The following NPAS3 variants were observed in gnomAD, a reference collection of about 807,000 sequenced individuals.
NPAS3 encodes the protein neuronal PAS domain protein 3, also known as neuronal PAS domain-containing protein 3.
A neutral mutation model predicts 73.1 loss-of-function variants in NPAS3; 14 were observed. The observed-to-expected ratio is 0.19, with a 90% CI of 0.13 to 0.30. The LOEUF is 0.30. Among genes scored for constraint, NPAS3 ranks in the 10% least tolerant of loss-of-function variants. NPAS3 has a pLI of 1.00. For synonymous variants in NPAS3, 620 were observed against 541.5 expected (o/e 1.14, Z -2.01); for missense variants, 1,096 against 1,250.0 (o/e 0.88, Z 1.86).
intron 5 of NPAS3, among the ~76,000 whole-genome samples, chr14:33,638,439 A>G (rs1186699991): frequency 2.0e-5 from 3 of 152,214 alleles, no homozygotes; most frequent in Admixed American, 2.0e-4. Flanking sequence ...GATGTTGGAT[A>G]AACTTTTTAA....
Position 33,676,251 on chromosome 14 carries a change from C to T in NPAS3, c.599C>T (p.Pro200Leu). 1 of 1,613,928 alleles carries T rather than the reference C, an allele frequency of 6.2e-7. No homozygotes were observed. Residue 200 changes from proline (P) to leucine (L), a missense_variant, in exon 6 of 12, where the codon CCC becomes CTC. Transcript: ENST00000356141. ...AGCAGTGTCTTTGACTATGTCCACC[C>T]CGGAGATCACGTGGAGATGGCTGAG...
intron 4 of NPAS3, among the ~76,000 whole-genome samples, chr14:33,472,922 C>T (rs1307623368): frequency 3.3e-5 from 5 of 150,766 alleles, no homozygotes; most frequent in Admixed American, 2.0e-4. Context: ...AGATAGAATG[C>T]GGATGGAAAC....
chr14:33,745,491 G>A (rs185861860), intron 7 of NPAS3, among the ~76,000 whole-genome samples: 1 of 152,160 alleles, frequency 6.6e-6, no homozygotes, highest in East Asian at 1.9e-4. Context: ...CAATACAACC[G>A]TCTTCATAAG....
chr14:33,261,913 G>A (rs914860981), intron 3 of NPAS3, among the ~76,000 whole-genome samples: 1 of 152,160 alleles, frequency 6.6e-6, no homozygotes, highest in Non-Finnish European at 1.5e-5. Flanking sequence ...CTTGCCTTGA[G>A]AGCAAGGGGA....
intron 2 of NPAS3, among the ~76,000 whole-genome samples, chr14:33,080,122 T>G (rs1249133782): frequency 6.6e-6 from 1 of 152,086 alleles, no homozygotes. Context: ...TTTTAATTTT[T>G]TTGGGACGGA....
intron 1 of NPAS3, among the ~76,000 whole-genome samples, chr14:33,034,956 T>C (rs1363762221): frequency 1.3e-5 from 2 of 152,190 alleles, no homozygotes; most frequent in Non-Finnish European, 2.9e-5. Context: ...AGATCATCTG[T>C]CAGTTTATAA....
At chr14:33,655,175 A>G (rs1595370967) in intron 5 of NPAS3, among the ~76,000 whole-genome samples, 2 of 152,186 alleles carry the variant, frequency 1.3e-5, no homozygotes, top group South Asian at 4.1e-4. Context: ...ACAGGGAGGT[A>G]ATCTCAAAGC....
intron 4 of NPAS3, among the ~76,000 whole-genome samples, chr14:33,556,946 C>T (rs1847950624): frequency 1.3e-5 from 2 of 152,174 alleles, no homozygotes; most frequent in South Asian, 2.1e-4. Flanking sequence ...ATGACTTACA[C>T]AGTTCTCCGT....
intron 3 of NPAS3, among the ~76,000 whole-genome samples, chr14:33,273,228 C>G (rs1163971852): frequency 6.6e-6 from 1 of 152,174 alleles, no homozygotes; most frequent in Non-Finnish European, 1.5e-5. Flanking sequence ...TGGTGCAAAT[C>G]TCCTCTCTTT....
intron 7 of NPAS3, among the ~76,000 whole-genome samples, chr14:33,751,996 A>G (rs1412486358): frequency 1.3e-5 from 2 of 152,210 alleles, no homozygotes; most frequent in Non-Finnish European, 2.9e-5. Context: ...TAGATTTTCA[A>G]TAGGAGCAAA....
chr14:33,606,826 G>A (rs1245191511), intron 5 of NPAS3, among the ~76,000 whole-genome samples: 1 of 152,132 alleles, frequency 6.6e-6, no homozygotes, highest in African/African-American at 2.4e-5. Flanking sequence ...GGAAACATTT[G>A]TAAATCATAT....
chr14:33,111,193 A>C (rs774949331), intron 2 of NPAS3, among the ~76,000 whole-genome samples: 76 of 152,208 alleles, frequency 5.0e-4, no homozygotes, highest in Non-Finnish European at 8.5e-4. Context: ...GAAAGCCTGA[A>C]GGGAGCAAGG....
intron 3 of NPAS3, among the ~76,000 whole-genome samples, chr14:33,340,167 A>T (rs527310656): frequency 1.3e-5 from 2 of 152,188 alleles, no homozygotes; most frequent in African/African-American, 4.8e-5. Context: ...TGGTTTTTAT[A>T]TATAAGATTT....
intron 4 of NPAS3, among the ~76,000 whole-genome samples, chr14:33,488,342 C>T (rs145906972): frequency 5.1e-4 from 78 of 152,000 alleles, no homozygotes; most frequent in Admixed American, 1.5e-3. Context: ...AGAGTCTTAA[C>T]GGGGCTGGCA....
chr14:33,734,401 G>A (rs557861438), intron 6 of NPAS3, among the ~76,000 whole-genome samples: 2 of 152,178 alleles, frequency 1.3e-5, no homozygotes, highest in East Asian at 1.9e-4. Context: ...TCAGCAAGAC[G>A]GCAAACTACC....
intron 1 of NPAS3, among the ~76,000 whole-genome samples, chr14:32,943,938 C>T (rs1382041867): frequency 2.6e-5 from 4 of 152,132 alleles, no homozygotes; most frequent in Non-Finnish European, 5.9e-5. Context: ...GATCTGCCTG[C>T]CTCAGCCTCC....
At chr14:33,306,858 GA>G (rs958730542) in intron 3 of NPAS3, among the ~76,000 whole-genome samples, 30 of 152,262 alleles carry the variant, frequency 2.0e-4, no homozygotes, top group African/African-American at 7.0e-4. Context: ...ATGCATTTGA[GA>G]GGGAAGGTTG....
In NPAS3 at chr14:33,325,397, A is replaced by G. The variant is rs113253580; in HGVS notation, c.386-41789A>G. Among the ~76,000 whole-genome samples, 1,431 of 152,208 alleles carry G rather than the reference A, an allele frequency of 9.4e-3. 18 individuals carry two copies. The highest frequency in any genetic ancestry group is 0.033 in the African/African-American group (1,363 of 41,554). On this transcript the variant is annotated intron_variant, in intron 3 of 11. Coordinates refer to ENST00000356141, the Ensembl canonical transcript of NPAS3. ...TGGCTCACGCCTGTAATCCCAATCA[A>G]TACTTTGGGAGACCGAGGTGGGTGG...
intron 5 of NPAS3, among the ~76,000 whole-genome samples, chr14:33,643,318 C>T (rs140651878): frequency 9.9e-5 from 14 of 141,996 alleles, no homozygotes; most frequent in African/African-American, 3.4e-4. Flanking sequence ...ACACCCTTTG[C>T]TGTAAAACAC....
Sources: gnomAD v4.1 joint callset for allele counts (sites outside exome capture counted in the v4.1 genomes callset) on GRCh38, gnomAD v4.1.1 for gene constraint, MANE v1.5 for transcripts, NCBI Gene and HGNC (gene_info 2026-07-23, HGNC 2026-07-21) for gene names.